CTCF: variants seen among roughly 807,000 people sequenced by gnomAD.
The protein encoded by CTCF is CCCTC-binding factor.
In CTCF, 7 loss-of-function variants were observed where a neutral mutation model predicts 72.3. That is an observed-to-expected ratio of 0.10 (90% CI 0.06 to 0.18). The LOEUF (loss-of-function observed/expected upper bound fraction) is 0.18. CTCF is among the 10% of genes least tolerant of loss of function. CTCF has a pLI of 1.00. For missense variants in CTCF, 516 were observed against 949.1 expected (o/e 0.54, Z 6.00); for synonymous variants, 374 against 315.8 (o/e 1.18, Z -1.95).
intron 7 of CTCF, among the ~76,000 whole-genome samples, chr16:67,625,417 C>G (rs1220927889): frequency 6.6e-6 from 1 of 152,228 alleles, no homozygotes; most frequent in Non-Finnish European, 1.5e-5. Context: ...CCAGGCTGGT[C>G]TTGAACTCGT....
At chr16:67,629,875 C>A (rs1440876541) in intron 10 of CTCF, among the ~76,000 whole-genome samples, 5 of 145,492 alleles carry the variant, frequency 3.4e-5, no homozygotes, top group Admixed American at 2.1e-4. Flanking sequence ...CCCGGGTTCA[C>A]GCCATTCTCC....
chr16:67,570,888 A>G (rs2051409948), intron 1 of CTCF: 1 of 151,916 alleles, frequency 6.6e-6, no homozygotes, highest in South Asian at 2.1e-4. Context: ...TACTGGTGTG[A>G]GCCTGGAGTA....
Position 67,629,746 on chromosome 16 carries a change from CTTTTTTTTTTTTT to C in CTCF, c.1837+247_1837+259del, listed in dbSNP as rs71145978. 1.4e-4 allele frequency among the ~76,000 whole-genome samples: 9 copies of C among 63,350 alleles called. 1 individual carries two copies. The highest frequency in any genetic ancestry group is 5.7e-4 in the African/African-American group (9 of 15,928). 41.6% of individuals were successfully genotyped at this position (63,350 alleles called of 152,430 possible). A position where few individuals can be genotyped will look rare whatever the true frequency, so the allele number is the denominator to read the frequency against. On this transcript the variant is annotated intron_variant, in intron 10 of 11. Coordinates refer to ENST00000264010, the MANE Select transcript of CTCF (RefSeq NM_006565.4). ...TCGTGGCATTCCGCTCATTAATGCC[CTTTTTTTTTTTTT>C]TTTTTTTTTTTTTTTTTTTTTTTTT...
chr16:67,619,308 C>T (rs1461511445), intron 5 of CTCF, among the ~76,000 whole-genome samples: 3 of 152,034 alleles, frequency 2.0e-5, no homozygotes, highest in Non-Finnish European at 2.9e-5. Flanking sequence ...TGGTGGCGTG[C>T]GCCTGTAGTC....
intron 8 of CTCF, 82 bp from the exon 9 acceptor site, chr16:67,628,270 CTTGGGTGAGAAATACCTG>C: frequency 9.5e-7 from 1 of 1,055,412 alleles, no homozygotes; most frequent in Non-Finnish European, 1.4e-6. Flanking sequence ...CTAGACCTAG[CTTGGGTGAGAAATACCTG>C]TTGGCCACAT....
Position 67,611,195 on chromosome 16 carries a change from T to C in CTCF, c.363T>C (p.Pro121=), listed in dbSNP as rs2142824920. Reference sequence around the variant, plus strand: ...TTCAGCTTGTTCAAGTACCTGTTCCTGTGACTGTACCTGTTGCTACCACTT... The same window carrying C: ...TTCAGCTTGTTCAAGTACCTGTTCCCGTGACTGTACCTGTTGCTACCACTT... ...GELQLVQVPV[P]VTVPVATTSV... Residue 121 remains proline (P), a synonymous_variant, in exon 3 of 12, where the codon CCT becomes CCC. Coordinates refer to ENST00000264010, the MANE Select transcript of CTCF (RefSeq NM_006565.4). The C allele has an allele frequency of 6.2e-7, 1 of 1,614,174 alleles. No homozygotes were observed. The highest frequency in any genetic ancestry group is 1.1e-5 in the South Asian group (1 of 91,082).
chr16:67,611,683 C>T, intron 3 of CTCF, 70 bp downstream of exon 3: 1 of 1,404,140 alleles, frequency 7.1e-7, no homozygotes, highest in Non-Finnish European at 9.8e-7. Flanking sequence ...AGTGCATATG[C>T]AAGTTGTTTT....
intron 6 of CTCF, 24 bp downstream of exon 6, chr16:67,620,841 GT>G (rs1567612595): frequency 6.5e-7 from 1 of 1,530,034 alleles, no homozygotes; most frequent in Non-Finnish European, 8.9e-7. Flanking sequence ...ACTCCTTACT[GT>G]ATTAATGAGC....
chr16:67,603,748 C>G (rs898740094), intron 2 of CTCF, among the ~76,000 whole-genome samples: 24 of 151,442 alleles, frequency 1.6e-4, no homozygotes, highest in African/African-American at 5.8e-4. Context: ...TGGCGTTAAC[C>G]CAGTAGGTGG....
chr16:67,632,531 C>G (rs777376014), intron 10 of CTCF, among the ~76,000 whole-genome samples: 3 of 152,214 alleles, frequency 2.0e-5, no homozygotes, highest in Admixed American at 6.5e-5. Context: ...CCCAGAAGTT[C>G]TGCCTGTCGG....
intron 2 of CTCF, among the ~76,000 whole-genome samples, chr16:67,583,399 A>G (rs542125053): frequency 6.6e-6 from 1 of 152,184 alleles, no homozygotes; most frequent in South Asian, 2.1e-4. Flanking sequence ...AAAAGAGTAT[A>G]TATCTAGCCA....
chr16:67,565,536 T>G (rs1318574717), intron 1 of CTCF, among the ~76,000 whole-genome samples: 1 of 151,594 alleles, frequency 6.6e-6, no homozygotes, highest in Non-Finnish European at 1.5e-5. Context: ...TAGCCAGGCA[T>G]GGTGGCACAC....
intron 4 of CTCF, 180 bp from the exon 5 acceptor site, chr16:67,616,565 A>G (rs1198684063): frequency 3.1e-6 from 2 of 652,190 alleles, no homozygotes; most frequent in Admixed American, 2.6e-5. Context: ...TGGTGTTAGT[A>G]TAAATTCATC....
chr16:67,602,700 G>A (rs1438796544), intron 2 of CTCF, among the ~76,000 whole-genome samples: 1 of 151,966 alleles, frequency 6.6e-6, no homozygotes, highest in African/African-American at 2.4e-5. Context: ...AATTAGCCAG[G>A]TGTGGTGGCG....
intron 10 of CTCF, among the ~76,000 whole-genome samples, chr16:67,635,883 C>G (rs914794783): frequency 2.0e-5 from 3 of 152,170 alleles, no homozygotes; most frequent in Non-Finnish European, 4.4e-5. Context: ...ACCTCAGCCT[C>G]CCAACGTGCT....
rs866189002 is a variant in CTCF at position 67,562,707 on chromosome 16, G to C, written c.-144G>C. ...GGAGCGGCGGCGGAGCGGGCGCCGC[G>C]GGGGGTGTGGCGCGGAGGTAAGGGG... On this transcript the variant is annotated 5_prime_UTR_variant, in exon 1 of 12. Coordinates refer to ENST00000264010, the MANE Select transcript of CTCF (RefSeq NM_006565.4). 1.3e-5 allele frequency: 2 copies of C among 151,174 alleles called. No individual in the cohort carries two copies. The highest frequency in any genetic ancestry group is 1.3e-4 in the Admixed American group (2 of 15,116). The allele number at this position is 151,174 out of a possible 1,614,324, so 9.4% of individuals were successfully genotyped here.
intron 4 of CTCF, among the ~76,000 whole-genome samples, chr16:67,614,013 C>A (rs1447205651): frequency 6.6e-6 from 1 of 152,058 alleles, no homozygotes; most frequent in African/African-American, 2.4e-5. Context: ...GTTCCAGATG[C>A]AGTTGCATTG....
At chr16:67,618,645 A>C (rs2052163726) in intron 5 of CTCF, among the ~76,000 whole-genome samples, 1 of 152,266 alleles carries the variant, frequency 6.6e-6, no homozygotes, top group Non-Finnish European at 1.5e-5. Context: ...ATCTAAGAGT[A>C]TCAGAACAAA....
At chr16:67,567,410 G>A (rs1266950168) in intron 1 of CTCF, among the ~76,000 whole-genome samples, 2 of 152,160 alleles carry the variant, frequency 1.3e-5, no homozygotes, top group Non-Finnish European at 2.9e-5. Flanking sequence ...GTATGGAAGT[G>A]TTGGTTGGAC....
Sources: gnomAD v4.1 joint callset for allele counts (sites outside exome capture counted in the v4.1 genomes callset) on GRCh38, gnomAD v4.1.1 for gene constraint, MANE v1.5 for transcripts, NCBI Gene and HGNC (gene_info 2026-07-23, HGNC 2026-07-21) for gene names.